Variants in STK4 observed in about 807,000 individuals in gnomAD.
STK4 encodes the protein serine/threonine kinase 4, also known as serine/threonine-protein kinase 4.
In STK4, 30 loss-of-function variants were observed where a neutral mutation model predicts 64.9. The observed-to-expected ratio is 0.46, with a 90% CI of 0.35 to 0.63. STK4 has a LOEUF of 0.63. STK4 is among the 20% of genes least tolerant of loss of function. STK4 has a pLI of 0.01. For synonymous variants in STK4, 177 were observed against 199.0 expected (o/e 0.89, Z 0.93); for missense variants, 466 against 598.5 (o/e 0.78, Z 2.31).
chr20:45,014,199 T>C (rs1353578684), intron 9 of STK4, among the ~76,000 whole-genome samples: 1 of 151,806 alleles, frequency 6.6e-6, no homozygotes, highest in Non-Finnish European at 1.5e-5. Context: ...CCGAGGTGGG[T>C]GGATCACTTG....
chr20:44,967,528 C>T (rs2067172035), intron 1 of STK4, among the ~76,000 whole-genome samples: 1 of 152,216 alleles, frequency 6.6e-6, no homozygotes, highest in Non-Finnish European at 1.5e-5. Flanking sequence ...TCTTTTGCCA[C>T]TCTACCACAT....
intron 9 of STK4, among the ~76,000 whole-genome samples, chr20:45,004,746 T>C (rs1331536887): frequency 2.6e-5 from 4 of 151,648 alleles, no homozygotes; most frequent in Admixed American, 2.6e-4. Context: ...ATGAAATCCT[T>C]TTTTTCTCCT....
intron 10 of STK4, among the ~76,000 whole-genome samples, chr20:45,064,378 G>GTT (rs368413962): frequency 6.9e-6 from 1 of 144,832 alleles, no homozygotes; most frequent in African/African-American, 2.5e-5. Flanking sequence ...CTGCAGCTTT[G>GTT]TTTTTTTTTT....
At chr20:44,971,699 C>G (rs926075786) in intron 1 of STK4, among the ~76,000 whole-genome samples, 1 of 113,062 alleles carries the variant, frequency 8.8e-6, no homozygotes, top group Non-Finnish European at 1.7e-5. Context: ...TTGAGACAGT[C>G]TCTCTCTGTC....
chr20:45,024,457 GATTT>G (rs1275352440), intron 9 of STK4, among the ~76,000 whole-genome samples: 7 of 152,008 alleles, frequency 4.6e-5, no homozygotes, highest in Admixed American at 3.3e-4. Context: ...GATGAATTGT[GATTT>G]ATTTATGTTT....
rs533130715 is a variant in STK4, at chr20:45,046,756, A to G, written c.1305+21626A>G. Among the ~76,000 whole-genome samples, 32 of 151,070 alleles carry G rather than the reference A, an allele frequency of 2.1e-4. No homozygotes were observed. In the South Asian group the frequency reaches 6.5e-3, roughly 31 times the overall value. On this transcript the variant is annotated intron_variant, in intron 10 of 10. Coordinates refer to ENST00000372806, the MANE Select transcript of STK4 (RefSeq NM_006282.5). ...GAGTGCAGTGGCGTGATCTCGGCTC[A>G]CTGCAACCTCCGCCTCCTGGATTCA...
In STK4 at chr20:45,011,729, A is replaced by ATAT. The variant is rs60170856; in HGVS notation, c.1147+10377_1147+10378insATT. ...CATACATATATATATATATATATATATTTTTTTTTTTTTTTTTAAGTCAAG... is the reference window on the plus strand; with the variant it reads ...CATACATATATATATATATATATATATATTTTTTTTTTTTTTTTTTAAGTCAAG... On this transcript the variant is annotated intron_variant, in intron 9 of 10. Transcript: ENST00000372806. Among the ~76,000 whole-genome samples, 485 of 115,390 alleles carry ATAT rather than the reference A, an allele frequency of 4.2e-3. 14 individuals carry two copies. The highest frequency in any genetic ancestry group is 0.017 in the African/African-American group (464 of 27,488). 75.7% of individuals were successfully genotyped at this position (115,390 alleles called of 152,430 possible).
chr20:44,985,725 AT>A (rs2067520334), intron 4 of STK4, among the ~76,000 whole-genome samples: 1 of 152,226 alleles, frequency 6.6e-6, no homozygotes, highest in Admixed American at 6.5e-5. Flanking sequence ...TGACATATTA[AT>A]TGATTTTCAT....
rs1178435694 is a variant in STK4, at chr20:45,077,937, T to C, written c.*2761T>C. On this transcript the variant is annotated 3_prime_UTR_variant, in exon 11 of 11. Transcript: ENST00000372806. ...CTTTTGGCCAGAAGTCAATTTGTTT[T>C]GGATCAGAGAAATTTCCTGACAAGG... is the stretch of plus-strand genomic sequence containing the variant. The C allele has an allele frequency of 6.6e-6, 1 of 152,232 alleles. No homozygotes were observed. Among genetic ancestry groups the C allele is most frequent in the African/African-American group, 2.4e-5 (1 of 41,450 alleles). 9.4% of individuals were successfully genotyped at this position (152,232 alleles called of 1,614,324 possible).
chr20:45,038,521 A>G (rs972640660), intron 10 of STK4, among the ~76,000 whole-genome samples: 1 of 152,010 alleles, frequency 6.6e-6, no homozygotes, highest in Non-Finnish European at 1.5e-5. Flanking sequence ...CCTTTCTGCT[A>G]CCCCTGCTCG....
At chr20:45,071,720 G>GT (rs1201370380) in intron 10 of STK4, among the ~76,000 whole-genome samples, 1 of 152,102 alleles carries the variant, frequency 6.6e-6, no homozygotes, top group Admixed American at 6.5e-5. Context: ...CAAACTTGAG[G>GT]ATTTATAAGA....
At chr20:44,976,524 A>T (rs558317007) in intron 2 of STK4, among the ~76,000 whole-genome samples, 1 of 152,352 alleles carries the variant, frequency 6.6e-6, no homozygotes, top group East Asian at 1.9e-4. Flanking sequence ...ATGGAAAATG[A>T]TAATCTGATA....
chr20:45,067,121 T>C (rs6073622), intron 10 of STK4, among the ~76,000 whole-genome samples: 39,046 of 152,032 alleles, frequency 0.26, 5,677 homozygotes, highest in Middle Eastern at 0.43. Context: ...TACATTTTTT[T>C]TGTTGCACTT....
intron 10 of STK4, among the ~76,000 whole-genome samples, chr20:45,073,561 C>A (rs374243951): frequency 6.6e-6 from 1 of 152,158 alleles, no homozygotes; most frequent in Non-Finnish European, 1.5e-5. Flanking sequence ...TCATGATTTT[C>A]TAAATGTGGG....
chr20:45,041,170 T>C (rs1215999442), intron 10 of STK4, among the ~76,000 whole-genome samples: 3 of 152,240 alleles, frequency 2.0e-5, no homozygotes, highest in African/African-American at 7.2e-5. Flanking sequence ...TTTTATTGTT[T>C]TGCTTTATAA....
intron 9 of STK4, among the ~76,000 whole-genome samples, chr20:45,011,547 C>T (rs1240705932): frequency 6.6e-6 from 1 of 151,580 alleles, no homozygotes; most frequent in Non-Finnish European, 1.5e-5. Context: ...TCTCAGTGGA[C>T]TTGACACAAT....
At chr20:45,063,841 T>C (rs1359179384) in intron 10 of STK4, among the ~76,000 whole-genome samples, 2 of 152,152 alleles carry the variant, frequency 1.3e-5, no homozygotes, top group Non-Finnish European at 2.9e-5. Flanking sequence ...GGAGTCTCGC[T>C]CTGTCACCCA....
chr20:45,074,456 T>C (rs1422019186), intron 10 of STK4, among the ~76,000 whole-genome samples: 2 of 152,072 alleles, frequency 1.3e-5, no homozygotes, highest in Non-Finnish European at 2.9e-5. Flanking sequence ...TGTTACCTGG[T>C]ATATAGTAGC....
chr20:44,990,873 C>T (rs1173724435), intron 5 of STK4, among the ~76,000 whole-genome samples: 1 of 152,122 alleles, frequency 6.6e-6, no homozygotes, highest in Non-Finnish European at 1.5e-5. Context: ...CTTTTCTCTG[C>T]CTGATGCCAC....
Sources: allele counts gnomAD v4.1 joint callset (sites outside exome capture counted in the v4.1 genomes callset), GRCh38; gene constraint gnomAD v4.1.1; transcripts MANE v1.5; gene names NCBI Gene and HGNC (gene_info 2026-07-23, HGNC 2026-07-21).